Variants in KPNA4 observed in about 807,000 individuals in gnomAD.
The protein encoded by KPNA4 is karyopherin subunit alpha 4.
Under a neutral mutation model 71.3 loss-of-function variants are expected in KPNA4, and 13 were observed. The observed-to-expected ratio is 0.18, with a 90% confidence interval of 0.12 to 0.29. The LOEUF is 0.29. Ranked by LOEUF, KPNA4 falls within the 10% of genes least tolerant of loss-of-function variation. The probability of loss-of-function intolerance (pLI) is 1.00; values close to 1 mark genes in which losing one functional copy is unlikely to be tolerated. For synonymous variants in KPNA4, 189 were observed against 195.2 expected (o/e 0.97, Z 0.26); for missense variants, 334 against 603.2 (o/e 0.55, Z 4.67).
In KPNA4 at chr3:160,500,420, G is replaced by A. The variant is rs1244051171; in HGVS notation, c.*1684C>T. 1 of 152,568 alleles carries A rather than the reference G, an allele frequency of 6.6e-6. No individual in the cohort carries two copies. Among genetic ancestry groups the A allele is most frequent in the Non-Finnish European group, 1.5e-5 (1 of 68,016 alleles). 9.5% of individuals were successfully genotyped at this position (152,568 alleles called of 1,614,324 possible). A position where few individuals can be genotyped will look rare whatever the true frequency, so the allele number is the denominator to read the frequency against. On this transcript the variant is annotated 3_prime_UTR_variant, in exon 17 of 17. Coordinates refer to ENST00000334256, the MANE Select transcript of KPNA4 (RefSeq NM_002268.5). ...ACACAAAGTAGATATAGATGCTAAT[G>A]GTGGCTAATCTGGTATGTTTCTTAT... is the stretch of plus-strand genomic sequence containing the variant.
intron 1 of KPNA4, among the ~76,000 whole-genome samples, chr3:160,551,939 TG>T (rs56941217): frequency 0.24 from 15,063 of 61,832 alleles, 1,642 homozygotes; most frequent in African/African-American, 0.36. Context: ...TTGTCACAAC[TG>T]GGGGGGGGGG....
chr3:160,535,688 T>C lies in KPNA4; in HGVS notation c.207A>G (p.Gln69=), dbSNP rs1721675519. ...DSDIDGDYRV[Q]NTSLEAIVQN... ...GAACAATAGCTTCTAGAGAGGTATT[T>C]TGCTGGGAAAAAAGTTAAAGAGAAA... The change falls in exon 4 of 17, where the codon CAA becomes CAG. Residue 69 remains glutamine (Q), a splice_region_variant and synonymous_variant. Transcript: ENST00000334256. The C allele has an allele frequency of 2.5e-6, 4 of 1,571,886 alleles. No individual in the cohort carries two copies. The highest frequency in any genetic ancestry group is 2.2e-5 in the Admixed American group (1 of 46,266).
At chr3:160,555,643 C>G (rs544510277) in intron 1 of KPNA4, among the ~76,000 whole-genome samples, 1 of 152,212 alleles carries the variant, frequency 6.6e-6, no homozygotes, top group South Asian at 2.1e-4. Context: ...TGTTGTATCA[C>G]ATATTCACCT....
intron 14 of KPNA4, 33 bp from the exon 15 acceptor site, chr3:160,508,302 T>C (rs1721026493): frequency 6.7e-7 from 1 of 1,486,754 alleles, no homozygotes; most frequent in African/African-American, 1.4e-5. Flanking sequence ...AATAATGCAA[T>C]ATAGGTAAAC....
At chr3:160,559,771 G>GT (rs1257309032) in intron 1 of KPNA4, among the ~76,000 whole-genome samples, 1 of 152,048 alleles carries the variant, frequency 6.6e-6, no homozygotes, top group African/African-American at 2.4e-5. Flanking sequence ...CCAAAACAGT[G>GT]TATCACAAAA....
chr3:160,535,360 A>C (rs1046570803), intron 5 of KPNA4, among the ~76,000 whole-genome samples, 153 bp downstream of exon 5: 1 of 152,220 alleles, frequency 6.6e-6, no homozygotes, highest in African/African-American at 2.4e-5. Flanking sequence ...AAACCACAGA[A>C]TTAAAAAAAT....
chr3:160,517,201 T>C (rs1376262901), intron 11 of KPNA4, among the ~76,000 whole-genome samples: 2 of 152,092 alleles, frequency 1.3e-5, no homozygotes, highest in African/African-American at 2.4e-5. Flanking sequence ...GCACTTCATA[T>C]TAACAAAATC....
intron 1 of KPNA4, among the ~76,000 whole-genome samples, chr3:160,540,949 A>G (rs1486488339): frequency 6.6e-6 from 1 of 152,228 alleles, no homozygotes; most frequent in Non-Finnish European, 1.5e-5. Flanking sequence ...AAAAGGGGAT[A>G]AGAAATTGAC....
At position 160,496,681 on chromosome 3, in the gene KPNA4, G is replaced by A. The variant is rs3732706; in HGVS notation, c.*5423C>T. On this transcript the variant is annotated 3_prime_UTR_variant, in exon 17 of 17. Transcript: ENST00000334256. ...ATAGTCTGGAAAGGTGAAGTAATCT[G>A]GAGTAGGCAGCTACAAAAGGTATAA... is the stretch of plus-strand genomic sequence containing the variant. The A allele has an allele frequency of 0.37, 56,349 of 152,096 alleles. 11,878 individuals are homozygous for A. The highest frequency in any genetic ancestry group is 0.48 in the Non-Finnish European group (32,578 of 67,970). 9.4% of individuals were successfully genotyped at this position (152,096 alleles called of 1,614,324 possible).
chr3:160,507,499 CAAAA>C (rs57528939), intron 15 of KPNA4, among the ~76,000 whole-genome samples: 7 of 49,482 alleles, frequency 1.4e-4, no homozygotes, highest in African/African-American at 3.8e-4. Flanking sequence ...GACACTGTCT[CAAAA>C]AAAAAAAAAA....
chr3:160,554,434 C>T (rs573424649), intron 1 of KPNA4, among the ~76,000 whole-genome samples: 10 of 152,306 alleles, frequency 6.6e-5, no homozygotes, highest in Admixed American at 4.6e-4. Context: ...CTTGCCTATC[C>T]TGGACATTTC....
chr3:160,550,568 A>G lies in KPNA4; in HGVS notation c.70-13728T>C, dbSNP rs568300290. Among the ~76,000 whole-genome samples the G allele has an allele frequency of 1.7e-3, 258 of 152,272 alleles. 1 individual carries two copies. The highest frequency in any genetic ancestry group is 3.2e-3 in the Non-Finnish European group (220 of 68,010). Reference sequence around the variant, plus strand: ...TATGCATGAGCCAGCACACACCGCCACTGCCTTATTTCTGATCTTACAGGA... The same window carrying G: ...TATGCATGAGCCAGCACACACCGCCGCTGCCTTATTTCTGATCTTACAGGA... On this transcript the variant is annotated intron_variant, in intron 1 of 16. Transcript: ENST00000334256.
chr3:160,533,182 C>A (rs1340345345), intron 5 of KPNA4, among the ~76,000 whole-genome samples: 3 of 152,106 alleles, frequency 2.0e-5, no homozygotes, highest in Non-Finnish European at 2.9e-5. Flanking sequence ...TGACACTACA[C>A]CCAGCCAACT....
At chr3:160,532,419 T>C (rs768416728) in intron 5 of KPNA4, among the ~76,000 whole-genome samples, 2 of 152,164 alleles carry the variant, frequency 1.3e-5, no homozygotes, top group African/African-American at 2.4e-5. Flanking sequence ...GCCATAAAAG[T>C]TCAACAACAT....
chr3:160,531,071 AT>A, intron 6 of KPNA4, 131 bp from the exon 7 acceptor site: 6 of 648,152 alleles, frequency 9.3e-6, no homozygotes, highest in Admixed American at 3.1e-5. Flanking sequence ...CATCCAGCAT[AT>A]TTTTTTAACC....
chr3:160,546,182 T>A (rs1348452681), intron 1 of KPNA4, among the ~76,000 whole-genome samples: 1 of 151,990 alleles, frequency 6.6e-6, no homozygotes, highest in East Asian at 1.9e-4. Context: ...AAATAAGGGG[T>A]ACAAGACTAA....
chr3:160,553,601 T>C (rs1577063138), intron 1 of KPNA4, among the ~76,000 whole-genome samples: 1 of 152,164 alleles, frequency 6.6e-6, no homozygotes, highest in South Asian at 2.1e-4. Context: ...CTTGACCTAG[T>C]CTGAATAAGG....
intron 15 of KPNA4, 45 bp downstream of exon 15, chr3:160,508,062 A>C: frequency 6.9e-7 from 1 of 1,458,656 alleles, no homozygotes; most frequent in Non-Finnish European, 9.3e-7. Flanking sequence ...AGGTAGTTAC[A>C]AAGAGAACAT....
intron 15 of KPNA4, among the ~76,000 whole-genome samples, chr3:160,505,367 C>T (rs1173361602): frequency 6.6e-6 from 1 of 152,060 alleles, no homozygotes; most frequent in African/African-American, 2.4e-5. Context: ...ATGTAAAATT[C>T]CATTTAAGTA....
Sources: allele counts gnomAD v4.1 joint callset (sites outside exome capture counted in the v4.1 genomes callset), GRCh38; gene constraint gnomAD v4.1.1; transcripts MANE v1.5; gene names NCBI Gene and HGNC (gene_info 2026-07-23, HGNC 2026-07-21).